ZCWPW2: variants seen among roughly 807,000 people sequenced by gnomAD.
ZCWPW2 encodes the protein zinc finger CW-type PWWP domain protein 2.
Under a neutral mutation model 46.6 loss-of-function variants are expected in ZCWPW2, and 45 were observed. That is an observed-to-expected ratio of 0.96 (90% CI 0.76 to 1.24). The LOEUF is 1.24. Among genes scored for constraint, ZCWPW2 ranks in the 50% most tolerant of loss-of-function variants. ZCWPW2 has a pLI of 0.00. For missense variants in ZCWPW2, 429 were observed against 403.9 expected (o/e 1.06, Z -0.53); for synonymous variants, 152 against 137.1 (o/e 1.11, Z -0.76).
chr3:28,526,111 G>A lies in ZCWPW2; in HGVS notation c.*1423G>A, dbSNP rs1010383233. On this transcript the variant is annotated 3_prime_UTR_variant, in exon 10 of 10. Transcript: ENST00000383768. ...ATGGGGATGGAACTATGCAAACCAA[G>A]CACTGTTGTGAGGAATAAATGAGAT... Among the ~76,000 whole-genome samples the A allele has an allele frequency of 6.6e-6, 1 of 152,114 alleles. No individual in the cohort carries two copies. Among genetic ancestry groups the A allele is most frequent in the African/African-American group, 2.4e-5 (1 of 41,430 alleles).
At chr3:28,434,578 A>C (rs1240805104) in intron 3 of ZCWPW2, among the ~76,000 whole-genome samples, 1 of 152,176 alleles carries the variant, frequency 6.6e-6, no homozygotes, top group Non-Finnish European at 1.5e-5. Flanking sequence ...ACAGGATGGA[A>C]CTGCAGAGCT....
At chr3:28,497,614 A>T (rs1700027345) in intron 6 of ZCWPW2, among the ~76,000 whole-genome samples, 1 of 152,112 alleles carries the variant, frequency 6.6e-6, no homozygotes, top group Non-Finnish European at 1.5e-5. Context: ...TTGAATCAGG[A>T]GTGGACCTTG....
intron 1 of ZCWPW2, among the ~76,000 whole-genome samples, chr3:28,376,835 G>A (rs1165774748): frequency 6.6e-6 from 1 of 151,990 alleles, no homozygotes; most frequent in Non-Finnish European, 1.5e-5. Context: ...TATGTCTTAA[G>A]TGTAATTTTA....
chr3:28,469,659 T>C (rs187723931), intron 4 of ZCWPW2, among the ~76,000 whole-genome samples: 297 of 151,780 alleles, frequency 2.0e-3, no homozygotes, highest in African/African-American at 6.7e-3. Flanking sequence ...AGTTCATTCA[T>C]CAAGAGGATA....
intron 2 of ZCWPW2, among the ~76,000 whole-genome samples, chr3:28,409,122 CTTTTTTTTTTTTTT>C (rs11328735): frequency 1.2e-5 from 1 of 82,326 alleles, no homozygotes; most frequent in African/African-American, 5.1e-5. Flanking sequence ...TTTTCTTTTT[CTTTTTTTTTTTTTT>C]TTTTTTTTGA....
intron 1 of ZCWPW2, among the ~76,000 whole-genome samples, chr3:28,376,894 G>A (rs1049822630): frequency 6.6e-6 from 1 of 152,042 alleles, no homozygotes; most frequent in Non-Finnish European, 1.5e-5. Context: ...AACAGAACTG[G>A]ACAATTTGCT....
chr3:28,386,885 T>G (rs1052837382), intron 1 of ZCWPW2, among the ~76,000 whole-genome samples: 4 of 152,148 alleles, frequency 2.6e-5, no homozygotes, highest in African/African-American at 7.2e-5. Flanking sequence ...TGTTTATGAG[T>G]TCTCTGCTTA....
Position 28,448,699 on chromosome 3 carries a change from T to C in ZCWPW2, c.492+13430T>C, listed in dbSNP as rs144676623. On this transcript the variant is annotated intron_variant, in intron 4 of 9. Coordinates refer to ENST00000383768, the MANE Select transcript of ZCWPW2 (RefSeq NM_001040432.4). ...ACCCGAGTGGCTGAGGCATGATAGTTGTTTGAATCCAGGAGGCAGAGGTTG... is the reference window on the plus strand; with the variant it reads ...ACCCGAGTGGCTGAGGCATGATAGTCGTTTGAATCCAGGAGGCAGAGGTTG... Among the ~76,000 whole-genome samples the C allele has an allele frequency of 2.6e-3, 378 of 146,284 alleles. 1 individual carries two copies. Among genetic ancestry groups the C allele is most frequent in the African/African-American group, 8.6e-3 (342 of 39,786 alleles).
Position 28,380,839 on chromosome 3 carries a change from A to G in ZCWPW2, c.-133-9659A>G, listed in dbSNP as rs930412879. Among the ~76,000 whole-genome samples the G allele has an allele frequency of 3.4e-5, 5 of 148,914 alleles. No homozygotes were observed. The East Asian group carries it at 1.0e-3, about 30-fold the overall frequency. On this transcript the variant is annotated intron_variant, in intron 1 of 9. Coordinates refer to ENST00000383768, the MANE Select transcript of ZCWPW2 (RefSeq NM_001040432.4). ...CTCTGTTCCCACCCAAGGCCAAAAC[A>G]TTATCTTTTTCCACAAGTCTATTCT...
At chr3:28,386,509 T>C (rs540673113) in intron 1 of ZCWPW2, among the ~76,000 whole-genome samples, 1 of 152,338 alleles carries the variant, frequency 6.6e-6, no homozygotes, top group African/African-American at 2.4e-5. Context: ...ATTTCTCTTA[T>C]ACATCATTTT....
intron 1 of ZCWPW2, among the ~76,000 whole-genome samples, chr3:28,358,347 C>T (rs1026197005): frequency 6.6e-6 from 1 of 152,106 alleles, no homozygotes; most frequent in Non-Finnish European, 1.5e-5. Context: ...AACGTAGGCA[C>T]TGAAATTGGA....
chr3:28,447,993 G>C, intron 4 of ZCWPW2: 2 of 476,012 alleles, frequency 4.2e-6, no homozygotes, highest in African/African-American at 3.8e-5. Context: ...TTCATGACAG[G>C]ATCAAGTGTG....
At chr3:28,439,731 A>C (rs11716132) in intron 4 of ZCWPW2, among the ~76,000 whole-genome samples, 12 of 152,226 alleles carry the variant, frequency 7.9e-5, no homozygotes, top group Non-Finnish European at 1.6e-4. Context: ...AACAATACCT[A>C]AATGCTGATA....
In ZCWPW2 at chr3:28,435,639, C is replaced by A. The variant is rs1285372777; in HGVS notation, c.492+370C>A. Reference sequence around the variant, plus strand: ...TAGCTGGGACTACAGGTGCCCGCCACCATGCACGGCTAATTTTTTTGTGTT... The same window carrying A: ...TAGCTGGGACTACAGGTGCCCGCCAACATGCACGGCTAATTTTTTTGTGTT... On this transcript the variant is annotated intron_variant, in intron 4 of 9. Transcript: ENST00000383768. Among the ~76,000 whole-genome samples, 4 of 151,932 alleles carry A rather than the reference C, an allele frequency of 2.6e-5. No homozygotes were observed. The East Asian group carries it at 7.7e-4, about 29-fold the overall frequency.
chr3:28,482,899 C>T (rs571176310), intron 5 of ZCWPW2, among the ~76,000 whole-genome samples: 16 of 152,164 alleles, frequency 1.1e-4, no homozygotes, highest in African/African-American at 3.1e-4. Flanking sequence ...TTTTAGATGT[C>T]GCTCTTTTAT....
At position 28,409,292 on chromosome 3, in the gene ZCWPW2, G is replaced by C. The variant is rs148432602; in HGVS notation, c.-13-3764G>C. Among the ~76,000 whole-genome samples, 385 of 151,750 alleles carry C rather than the reference G, an allele frequency of 2.5e-3. 1 individual carries two copies. Among genetic ancestry groups the C allele is most frequent in the African/African-American group, 8.4e-3 (349 of 41,412 alleles). On this transcript the variant is annotated intron_variant, in intron 2 of 9. Transcript: ENST00000383768. ...CTGCCACCACACCTGGCTAATTTTTGTATTTTCAGTAGAGGCTGGGTTTCG... is the reference window on the plus strand; with the variant it reads ...CTGCCACCACACCTGGCTAATTTTTCTATTTTCAGTAGAGGCTGGGTTTCG...
chr3:28,450,073 AG>A (rs1396517991), intron 4 of ZCWPW2, among the ~76,000 whole-genome samples: 1 of 152,190 alleles, frequency 6.6e-6, no homozygotes, highest in Non-Finnish European at 1.5e-5. Flanking sequence ...CTCTTGGAAA[AG>A]GGCCAGGCAT....
chr3:28,381,669 C>A (rs980461699), intron 1 of ZCWPW2, among the ~76,000 whole-genome samples: 21 of 152,100 alleles, frequency 1.4e-4, no homozygotes, highest in Admixed American at 1.1e-3. Flanking sequence ...CGGCTGTACT[C>A]CTAGCTAGTC....
intron 3 of ZCWPW2, among the ~76,000 whole-genome samples, chr3:28,432,236 G>A (rs1697289633): frequency 6.6e-6 from 1 of 152,126 alleles, no homozygotes; most frequent in Non-Finnish European, 1.5e-5. Context: ...AGCATGTGTT[G>A]GCCTTTGCTG....
Sources: allele counts gnomAD v4.1 joint callset (sites outside exome capture counted in the v4.1 genomes callset), GRCh38; gene constraint gnomAD v4.1.1; transcripts MANE v1.5; gene names NCBI Gene and HGNC (gene_info 2026-07-23, HGNC 2026-07-21).